NAALADL2: variants seen among roughly 807,000 people sequenced by gnomAD.
NAALADL2 encodes inactive N-acetylated-alpha-linked acidic dipeptidase-like protein 2.
NAALADL2 carries 76 observed loss-of-function variants against 87.2 expected under a neutral mutation model. The ratio of observed to expected loss-of-function variants is 0.87; its 90% CI spans 0.72 to 1.05. The LOEUF (loss-of-function observed/expected upper bound fraction) is 1.05, where lower values mean the gene tolerates loss of function less well. Among genes scored for constraint, NAALADL2 ranks in the 50% least tolerant of loss-of-function variants. The probability of loss-of-function intolerance (pLI) is 0.00; values close to 1 mark genes in which losing one functional copy is unlikely to be tolerated. For synonymous variants in NAALADL2, 354 were observed against 331.0 expected (o/e 1.07, Z -0.75); for missense variants, 1,089 against 945.8 (o/e 1.15, Z -1.99).
In NAALADL2 at chr3:175,667,745, T is replaced by G. The variant is rs77405050; in HGVS notation, c.1896+40359T>G. 7.8e-3 allele frequency among the ~76,000 whole-genome samples: 888 copies of G among 113,532 alleles called. 9 individuals carry two copies. Among genetic ancestry groups the G allele is most frequent in the African/African-American group, 0.048 (828 of 17,146 alleles). 74.5% of individuals were successfully genotyped at this position (113,532 alleles called of 152,430 possible). ...CAGATATCTGTGTGTTTTTTGCTGT[T>G]TTTTTTTTTTTTTTTTCTGTAACAG... On this transcript the variant is annotated intron_variant, in intron 11 of 13. Coordinates refer to ENST00000454872, the MANE Select transcript of NAALADL2 (RefSeq NM_207015.3).
At chr3:174,702,362 T>C (rs1452790075) in intron 2 of NAALADL2, among the ~76,000 whole-genome samples, 1 of 152,174 alleles carries the variant, frequency 6.6e-6, no homozygotes, top group Non-Finnish European at 1.5e-5. Context: ...TATTTATTAA[T>C]CTATCTGTCA....
At chr3:175,545,440 A>G (rs1713128942) in intron 9 of NAALADL2, among the ~76,000 whole-genome samples, 5 of 152,142 alleles carry the variant, frequency 3.3e-5, no homozygotes, top group Admixed American at 3.3e-4. Context: ...AATGATTTCC[A>G]CAGTTTCTGT....
At chr3:175,702,213 C>T (rs530812360) in intron 11 of NAALADL2, among the ~76,000 whole-genome samples, 1 of 152,130 alleles carries the variant, frequency 6.6e-6, no homozygotes, top group South Asian at 2.1e-4. Flanking sequence ...GGTCTGGAGC[C>T]AAAGATTTGT....
intron 4 of NAALADL2, 147 bp from the exon 5 acceptor site, chr3:175,324,028 C>CAACAAA: frequency 4.7e-6 from 2 of 426,220 alleles, no homozygotes. Context: ...AAAAAACAAA[C>CAACAAA]AAAAAAAAAA....
chr3:175,775,652 T>G (rs1249125661), intron 13 of NAALADL2, among the ~76,000 whole-genome samples: 2 of 152,154 alleles, frequency 1.3e-5, no homozygotes, highest in African/African-American at 2.4e-5. Context: ...ATTTGCGAAG[T>G]CTGTTCGCCT....
chr3:175,065,239 T>A (rs2109106408), intron 1 of NAALADL2, among the ~76,000 whole-genome samples: 1 of 152,256 alleles, frequency 6.6e-6, no homozygotes, highest in Non-Finnish European at 1.5e-5. Flanking sequence ...AGGAGACGCT[T>A]AACAACCTAG....
intron 3 of NAALADL2, among the ~76,000 whole-genome samples, chr3:174,825,401 C>G (rs1721869234): frequency 6.6e-6 from 1 of 152,178 alleles, no homozygotes; most frequent in African/African-American, 2.4e-5. Flanking sequence ...GAAGATGGAC[C>G]TCTCAGCCTA....
intron 5 of NAALADL2, among the ~76,000 whole-genome samples, chr3:175,371,322 C>T (rs2148950176): frequency 6.6e-6 from 1 of 152,132 alleles, no homozygotes; most frequent in Admixed American, 6.5e-5. Flanking sequence ...GGCCGGACTG[C>T]AGTGGCGCTA....
intron 2 of NAALADL2, among the ~76,000 whole-genome samples, chr3:174,655,530 T>G (rs1017859511): frequency 1.3e-5 from 2 of 152,168 alleles, no homozygotes; most frequent in African/African-American, 4.8e-5. Flanking sequence ...ATTCTGTAAA[T>G]GTTACATGGC....
chr3:175,141,737 A>G (rs1730022244), intron 2 of NAALADL2, among the ~76,000 whole-genome samples: 1 of 152,064 alleles, frequency 6.6e-6, no homozygotes, highest in Non-Finnish European at 1.5e-5. Context: ...TCTTCTCTGG[A>G]TTCTCAGAGC....
chr3:175,466,195 A>G (rs538667390), intron 7 of NAALADL2, among the ~76,000 whole-genome samples: 2 of 152,304 alleles, frequency 1.3e-5, no homozygotes, highest in African/African-American at 4.8e-5. Context: ...AAATTTTTGC[A>G]CAGATGTATG....
Position 175,073,151 on chromosome 3 carries a change from T to C in NAALADL2, c.44-23639T>C, listed in dbSNP as rs189017237. ...TAATTTTTAGGCCAAATGTATAAAT[T>C]GAATACCACAATTGCCTTCTCTCCT... is the stretch of plus-strand genomic sequence containing the variant. On this transcript the variant is annotated intron_variant, in intron 1 of 13. Transcript: ENST00000454872. Among the ~76,000 whole-genome samples, 87 of 152,046 alleles carry C rather than the reference T, an allele frequency of 5.7e-4. 1 individual carries two copies. In the East Asian group the frequency reaches 0.016, roughly 27 times the overall value.
intron 6 of NAALADL2, among the ~76,000 whole-genome samples, chr3:175,458,747 G>A (rs1333966891): frequency 2.0e-5 from 3 of 151,814 alleles, no homozygotes; most frequent in East Asian, 1.9e-4. Flanking sequence ...ATCCATTGAT[G>A]CCATTACTCC....
chr3:175,048,018 A>G (rs1754894438), intron 1 of NAALADL2, among the ~76,000 whole-genome samples: 1 of 152,192 alleles, frequency 6.6e-6, no homozygotes, highest in African/African-American at 2.4e-5. Context: ...TCATTAAGAT[A>G]ATGTGACCTT....
intron 1 of NAALADL2, among the ~76,000 whole-genome samples, chr3:174,942,350 A>G (rs1329737801): frequency 6.6e-6 from 1 of 152,128 alleles, no homozygotes; most frequent in African/African-American, 2.4e-5. Flanking sequence ...AAGAATGCTG[A>G]ATATAGGCCC....
chr3:175,684,582 C>A (rs1262941167), intron 11 of NAALADL2, among the ~76,000 whole-genome samples: 1 of 152,058 alleles, frequency 6.6e-6, no homozygotes, highest in African/African-American at 2.4e-5. Context: ...TCACTTGATG[C>A]CAGGAGTTTG....
rs73881522 is a variant in NAALADL2 at position 174,821,590 on chromosome 3, G to A, written c.-9+83844G>A. On this transcript the variant is annotated intron_variant, in intron 3 of 3. Transcript: ENST00000434257. ...AGCAAATGAACCACTAGTCACTGAA[G>A]TCAAGTCTAGCTAGGCCTGGAGGAG... Among the ~76,000 whole-genome samples, 838 of 152,244 alleles carry A rather than the reference G, an allele frequency of 5.5e-3. 9 individuals are homozygous for A. The highest frequency in any genetic ancestry group is 0.019 in the African/African-American group (801 of 41,552).
chr3:175,085,449 T>G (rs1372459725), intron 1 of NAALADL2, among the ~76,000 whole-genome samples: 3 of 152,182 alleles, frequency 2.0e-5, no homozygotes, highest in African/African-American at 7.2e-5. Flanking sequence ...TTAAAGGTTA[T>G]GCTCCTTTTT....
chr3:175,505,823 G>A (rs975043214), intron 9 of NAALADL2, among the ~76,000 whole-genome samples: 12 of 152,188 alleles, frequency 7.9e-5, no homozygotes, highest in African/African-American at 2.4e-4. Flanking sequence ...AGAGGTGTAA[G>A]ATAGAAACAA....
Sources: gnomAD v4.1 joint callset for allele counts (sites outside exome capture counted in the v4.1 genomes callset) on GRCh38, gnomAD v4.1.1 for gene constraint, MANE v1.5 for transcripts, NCBI Gene and HGNC (gene_info 2026-07-23, HGNC 2026-07-21) for gene names.